The following RPTOR variants were observed in gnomAD, a reference collection of about 807,000 sequenced individuals.
RPTOR encodes the protein regulatory associated protein of MTOR complex 1.
RPTOR carries 21 observed loss-of-function variants against 169.9 expected under a neutral mutation model. The observed-to-expected ratio is 0.12, with a 90% confidence interval of 0.09 to 0.18. The LOEUF is 0.18. Ranked by LOEUF, RPTOR falls within the 10% of genes least tolerant of loss-of-function variation. The probability of loss-of-function intolerance (pLI) is 1.00; values close to 1 mark genes in which losing one functional copy is unlikely to be tolerated. For synonymous variants in RPTOR, 732 were observed against 753.2 expected (o/e 0.97, Z 0.46); for missense variants, 1,133 against 1,855.9 (o/e 0.61, Z 7.16).
chr17:80,808,668 A>C (rs1303521911), intron 7 of RPTOR, among the ~76,000 whole-genome samples: 3 of 152,158 alleles, frequency 2.0e-5, no homozygotes, highest in African/African-American at 7.2e-5. Context: ...TACCTGTCCC[A>C]GTTAATCCCT....
chr17:80,557,172 C>T (rs1662979145), intron 1 of RPTOR, among the ~76,000 whole-genome samples: 1 of 152,156 alleles, frequency 6.6e-6, no homozygotes, highest in Non-Finnish European at 1.5e-5. Context: ...CTGTGGAGTT[C>T]TAGAGCTAGA....
chr17:80,810,915 G>T (rs2143574428), intron 7 of RPTOR, among the ~76,000 whole-genome samples: 1 of 152,272 alleles, frequency 6.6e-6, no homozygotes, highest in South Asian at 2.1e-4. Context: ...ATTGATTTTT[G>T]CATAGTGACC....
In RPTOR at chr17:80,679,926, C is replaced by T. The variant is rs181274927; in HGVS notation, c.349-27915C>T. On this transcript the variant is annotated intron_variant, in intron 3 of 33. Transcript: ENST00000306801. ...GTCCTCTCCACGGTTCCCCAGAGCC[C>T]AGAGAGGCGGAGGGAGCCCCATGGT... 3.0e-4 allele frequency among the ~76,000 whole-genome samples: 46 copies of T among 152,296 alleles called. 1 individual carries two copies. The highest frequency in any genetic ancestry group is 1.0e-3 in the African/African-American group (43 of 41,582).
At chr17:80,935,101 C>G (rs2068940124) in intron 24 of RPTOR, among the ~76,000 whole-genome samples, 1 of 151,614 alleles carries the variant, frequency 6.6e-6, no homozygotes, top group Non-Finnish European at 1.5e-5. Context: ...AACATCAGTA[C>G]CATTCAAAAT....
chr17:80,817,455 C>T (rs1355204036), intron 7 of RPTOR, among the ~76,000 whole-genome samples: 4 of 143,192 alleles, frequency 2.8e-5, no homozygotes, highest in South Asian at 2.4e-4. Context: ...GAGCTGAAGG[C>T]GCCCCCGAGA....
intron 1 of RPTOR, among the ~76,000 whole-genome samples, chr17:80,571,720 C>T (rs1599561170): frequency 1.3e-5 from 2 of 152,160 alleles, no homozygotes; most frequent in Non-Finnish European, 2.9e-5. Flanking sequence ...AGGGCTTCAC[C>T]GTGTTGTCCA....
At chr17:80,740,190 C>T (rs1291697476) in intron 5 of RPTOR, among the ~76,000 whole-genome samples, 4 of 152,092 alleles carry the variant, frequency 2.6e-5, no homozygotes, top group African/African-American at 9.7e-5. Flanking sequence ...AAAATCCAAC[C>T]AATTGAATAT....
intron 13 of RPTOR, among the ~76,000 whole-genome samples, chr17:80,872,303 C>T (rs2068060158): frequency 6.6e-6 from 1 of 152,216 alleles, no homozygotes; most frequent in Admixed American, 6.5e-5. Context: ...TCTTTTTAGC[C>T]ATCCTCCTAG....
intron 13 of RPTOR, among the ~76,000 whole-genome samples, chr17:80,862,670 A>G (rs922651590): frequency 1.4e-5 from 2 of 144,502 alleles, no homozygotes; most frequent in Non-Finnish European, 3.0e-5. Flanking sequence ...TCCGCCCACC[A>G]TGATGTCTGC....
intron 9 of RPTOR, among the ~76,000 whole-genome samples, chr17:80,833,738 C>T: frequency 6.6e-6 from 1 of 152,222 alleles, no homozygotes; most frequent in East Asian, 1.9e-4. Flanking sequence ...GCCTGTAATC[C>T]CAGCACTTTG....
chr17:80,595,431 G>A (rs1234278467), intron 1 of RPTOR, among the ~76,000 whole-genome samples: 2 of 152,078 alleles, frequency 1.3e-5, no homozygotes. Context: ...GATCTGCTGA[G>A]TTGGGCAGTG....
intron 2 of RPTOR, among the ~76,000 whole-genome samples, chr17:80,629,751 ATG>A (rs1205401053): frequency 7.0e-6 from 1 of 143,348 alleles, no homozygotes; most frequent in Non-Finnish European, 1.5e-5. Flanking sequence ...TCAGCTGTCT[ATG>A]TATTGTGTTG....
chr17:80,720,965 TGTCGGGAGAGACACTTCCCC>T (rs1282860722), intron 4 of RPTOR, among the ~76,000 whole-genome samples: 1 of 151,152 alleles, frequency 6.6e-6, no homozygotes, highest in African/African-American at 2.5e-5. Flanking sequence ...GCTTCTTACG[TGTCGGGAGAGACACTTCCCC>T]GACCCCTTGT....
In RPTOR at chr17:80,745,077, C is replaced by A. The variant is rs530377722; in HGVS notation, c.655-8933C>A. Among the ~76,000 whole-genome samples, 23 of 152,352 alleles carry A rather than the reference C, an allele frequency of 1.5e-4. No individual in the cohort carries two copies. The South Asian group carries it at 3.1e-3, about 21-fold the overall frequency. ...TGCCATGAGTTAGCTCTTTCTCCCCCTCCTGCCACTGGTCAGCTAAGCCTT... is the reference window on the plus strand; with the variant it reads ...TGCCATGAGTTAGCTCTTTCTCCCCATCCTGCCACTGGTCAGCTAAGCCTT... On this transcript the variant is annotated intron_variant, in intron 5 of 33. Transcript: ENST00000306801.
In RPTOR at chr17:80,823,381, T is replaced by C; in HGVS notation, c.1136+158T>C. 1 of 908,062 alleles carries C rather than the reference T, an allele frequency of 1.1e-6. No individual in the cohort carries two copies. The highest frequency in any genetic ancestry group is 1.6e-6 in the Non-Finnish European group (1 of 618,828). The allele number at this position is 908,062 out of a possible 1,614,324, so 56.3% of individuals were successfully genotyped here. ...AAGCTAAATGCAGGGCTCCCAGAGA[T>C]CTCCACACAGAGGAGTGGGGGTCTC... On this transcript the variant is annotated intron_variant, in intron 9 of 33. Coordinates refer to ENST00000306801, the MANE Select transcript of RPTOR (RefSeq NM_020761.3). The surrounding 1 kb of genome is among the most constrained non-coding windows in gnomAD (Gnocchi z 4.5).
chr17:80,876,864 C>T (rs1212734959), intron 13 of RPTOR, among the ~76,000 whole-genome samples: 5 of 126,108 alleles, frequency 4.0e-5, no homozygotes, highest in African/African-American at 1.5e-4. Context: ...GTGTGTGTGT[C>T]GCCTGCTGGG....
rs903992821 is a variant in RPTOR at position 80,845,450 on chromosome 17, A to G, written c.1213-1023A>G. Among the ~76,000 whole-genome samples the G allele has an allele frequency of 1.3e-5, 2 of 151,994 alleles. No homozygotes were observed. Among genetic ancestry groups the G allele is most frequent in the African/African-American group, 4.8e-5 (2 of 41,368 alleles). ...CACTGAGGAAACAAGAAGCAGTCGC[A>G]TGACCGCCTCTGCCGGGTCCTCCAG... On this transcript the variant is annotated intron_variant, in intron 10 of 33. Coordinates refer to ENST00000306801, the MANE Select transcript of RPTOR (RefSeq NM_020761.3). The surrounding 1 kb of genome is among the most constrained non-coding windows in gnomAD (Gnocchi z 5.4).
intron 21 of RPTOR, among the ~76,000 whole-genome samples, chr17:80,914,063 G>A (rs1342175570): frequency 3.3e-5 from 5 of 152,270 alleles, no homozygotes; most frequent in Non-Finnish European, 5.9e-5. Context: ...CTCTGTTGCA[G>A]GACTCATGCA....
chr17:80,786,937 CTT>C (rs2066998336), intron 6 of RPTOR, among the ~76,000 whole-genome samples: 1 of 152,214 alleles, frequency 6.6e-6, no homozygotes, highest in Non-Finnish European at 1.5e-5. Flanking sequence ...ATTTGGCCTC[CTT>C]TTAAGCAGTT....
Sources: allele counts gnomAD v4.1 joint callset (sites outside exome capture counted in the v4.1 genomes callset), GRCh38; gene constraint gnomAD v4.1.1; non-coding constraint Gnocchi (gnomAD v3.1); transcripts MANE v1.5; gene names NCBI Gene and HGNC (gene_info 2026-07-23, HGNC 2026-07-21).